The following KLHL5 variants were observed in gnomAD, a reference collection of about 807,000 sequenced individuals.
KLHL5 encodes the protein kelch like family member 5.
In KLHL5, 48 loss-of-function variants were observed where a neutral mutation model predicts 77.7. The ratio of observed to expected loss-of-function variants is 0.62; its 90% CI spans 0.49 to 0.79. The LOEUF is 0.79. Among genes scored for constraint, KLHL5 ranks in the 30% least tolerant of loss-of-function variants. The pLI is 0.00. For synonymous variants in KLHL5, 260 were observed against 297.0 expected (o/e 0.88, Z 1.28); for missense variants, 723 against 859.7 (o/e 0.84, Z 1.99).
chr4:39,070,956 C>G lies in KLHL5; in HGVS notation c.384-5009C>G, dbSNP rs1167387773. Among the ~76,000 whole-genome samples, 9 of 151,946 alleles carry G rather than the reference C, an allele frequency of 5.9e-5. 1 individual carries two copies. Among genetic ancestry groups the G allele is most frequent in the Admixed American group, 5.9e-4 (9 of 15,242 alleles). The stretch of plus-strand genomic sequence containing the variant: ...TACTGATCTTCCCCTTTTCTGTATT[C>G]CAGTAGCAATTATACTCCAATTAAA... On this transcript the variant is annotated intron_variant, in intron 1 of 10. Coordinates refer to ENST00000504108, the MANE Select transcript of KLHL5 (RefSeq NM_015990.5).
At chr4:39,057,676 C>T (rs1471327395), upstream of KLHL5, among the ~76,000 whole-genome samples, 4 of 152,008 alleles carry the variant, frequency 2.6e-5, no homozygotes, top group African/African-American at 7.3e-5. Context: ...CTTTTTATAA[C>T]TGAGGAAAAA....
chr4:39,054,423 C>T (rs1180047136), intron 1 of KLHL5, among the ~76,000 whole-genome samples: 1 of 152,146 alleles, frequency 6.6e-6, no homozygotes, highest in Non-Finnish European at 1.5e-5. Context: ...CCCTGTTGGA[C>T]AGAGTTTTTC....
chr4:39,107,655 C>G lies in KLHL5; in HGVS notation c.1612C>G (p.Gln538Glu). 6.2e-7 allele frequency: 1 copy of G among 1,612,770 alleles called. No individual in the cohort carries two copies. Among genetic ancestry groups the G allele is most frequent in the Non-Finnish European group, 8.5e-7 (1 of 1,179,000 alleles). ...YLNTVERWDP[Q>E]ARQWNFVATM... is the part of the protein sequence containing the mutation. ...GAACACAGTGGAAAGATGGGACCCT[C>G]AGGCTCGCCAGTGGAATTTTGTTGC... The change falls in exon 8 of 11, where the codon CAG becomes GAG. Residue 538 changes from glutamine (Q) to glutamate (E), a missense_variant. Physicochemically the swap from Gln to Glu is conservative, Grantham distance 29. Around this residue, in one of 3 missense-constraint regions of KLHL5, gnomAD observed 214 missense variants for 237.4 expected, o/e 0.90. Transcript: ENST00000504108.
At chr4:39,053,082 G>A (rs1461313474) in intron 1 of KLHL5, among the ~76,000 whole-genome samples, 1 of 152,162 alleles carries the variant, frequency 6.6e-6, no homozygotes, top group Non-Finnish European at 1.5e-5. Flanking sequence ...TTCTTTAATG[G>A]TTAACTGGTT....
intron 2 of KLHL5, among the ~76,000 whole-genome samples, chr4:39,078,731 C>T (rs1228176291): frequency 6.6e-6 from 1 of 151,884 alleles, no homozygotes; most frequent in Non-Finnish European, 1.5e-5. Flanking sequence ...ATACAATGGA[C>T]TTTGGGGACT....
chr4:39,083,620 G>A (rs1056264860), intron 4 of KLHL5, among the ~76,000 whole-genome samples: 3 of 152,060 alleles, frequency 2.0e-5, no homozygotes, highest in Non-Finnish European at 4.4e-5. Flanking sequence ...ACTCTTTATA[G>A]ATTCTCATTT....
intron 1 of KLHL5, among the ~76,000 whole-genome samples, chr4:39,054,437 C>T (rs151298647): frequency 9.9e-5 from 15 of 152,244 alleles, no homozygotes; most frequent in African/African-American, 3.1e-4. Flanking sequence ...GTTTTTCTGA[C>T]AACAAAATGC....
At chr4:39,065,424 C>T (rs371143763) in intron 1 of KLHL5, among the ~76,000 whole-genome samples, 2 of 150,106 alleles carry the variant, frequency 1.3e-5, no homozygotes, top group Non-Finnish European at 2.9e-5. Flanking sequence ...GGCGTGATCT[C>T]GGCTTACTGC....
chr4:39,094,901 T>G (rs35904472), intron 5 of KLHL5, among the ~76,000 whole-genome samples: 69,627 of 151,876 alleles, frequency 0.46, 17,340 homozygotes, highest in Admixed American at 0.56. Flanking sequence ...AAGAAAGCAA[T>G]AAAATCTTGC....
At chr4:39,115,791 ACT>A (rs1722792732) in intron 10 of KLHL5, 1 of 1,039,400 alleles carries the variant, frequency 9.6e-7, no homozygotes, top group Non-Finnish European at 1.2e-6. Flanking sequence ...CCTAAATTAC[ACT>A]GAGTAAGAAA....
At position 39,062,511 on chromosome 4, in the gene KLHL5, A is replaced by G. The variant is rs766420349; in HGVS notation, c.-142A>G. On this transcript the variant is annotated 5_prime_UTR_variant, in exon 1 of 11. The change creates a new upstream start codon in the 5' untranslated region. Transcript: ENST00000504108. ...TTGGCATAAAAGTAATTGTAGATAT[A>G]TATATGAATGTGATTTATTTTCCTT... 1 of 1,600,702 alleles carries G rather than the reference A, an allele frequency of 6.2e-7. No homozygotes were observed. Among genetic ancestry groups the G allele is most frequent in the Non-Finnish European group, 8.6e-7 (1 of 1,169,354 alleles).
intron 1 of KLHL5, among the ~76,000 whole-genome samples, chr4:39,055,530 C>A (rs187632683): frequency 5.3e-5 from 8 of 152,236 alleles, no homozygotes; most frequent in African/African-American, 1.9e-4. Context: ...ATGGCATTAA[C>A]CCTATATGAA....
At chr4:39,072,508 A>G (rs1199163016) in intron 1 of KLHL5, among the ~76,000 whole-genome samples, 1 of 152,220 alleles carries the variant, frequency 6.6e-6, no homozygotes, top group Non-Finnish European at 1.5e-5. Context: ...GAAATGTTCC[A>G]TATCTGTACT....
At chr4:39,091,881 T>A (rs1720614082) in intron 5 of KLHL5, among the ~76,000 whole-genome samples, 1 of 136,822 alleles carries the variant, frequency 7.3e-6, no homozygotes, top group Non-Finnish European at 1.5e-5. Context: ...AGACAGCGTC[T>A]CACTTTGTTG....
chr4:39,135,026 A>G, the KLHL5 span, among the ~76,000 whole-genome samples: 1 of 152,204 alleles, frequency 6.6e-6, no homozygotes, highest in African/African-American at 2.4e-5. Context: ...CAGAAATCAC[A>G]GGGTAATCTG....
Position 39,081,543 on chromosome 4 carries a change from A to G in KLHL5, c.703+304A>G, listed in dbSNP as rs116568520. On this transcript the variant is annotated intron_variant, in intron 3 of 10. Transcript: ENST00000504108. This position sits in a 1 kb window ranked among gnomAD's most constrained non-coding sequence, Gnocchi z 4.3. Reference sequence around the variant, plus strand: ...GCCAGGTGCAGTGGCTTATGCCTGTAAATCCCAGCACTTCGGGAAGCCAAG... The same window carrying G: ...GCCAGGTGCAGTGGCTTATGCCTGTGAATCCCAGCACTTCGGGAAGCCAAG... 4.4e-3 allele frequency among the ~76,000 whole-genome samples: 673 copies of G among 152,196 alleles called. 3 individuals carry two copies. Among genetic ancestry groups the G allele is most frequent in the African/African-American group, 0.014 (582 of 41,524 alleles).
intron 1 of KLHL5, chr4:39,045,146 G>C: frequency 1.0e-6 from 1 of 984,242 alleles, no homozygotes; most frequent in Non-Finnish European, 1.2e-6. Context: ...CCTCGGGCAG[G>C]GCCCGCTTCC....
At position 39,081,962 on chromosome 4, in the gene KLHL5, G is replaced by A. The variant is rs1719655705; in HGVS notation, c.704-1G>A. ...TAATGGAATTTCTTTTTATCATTAA[G>A]GCCGCCTTGAATTAAAAGAAGATAA... On this transcript the variant is annotated splice_acceptor_variant, in intron 3 of 10. Transcript: ENST00000504108. LOFTEE classifies it high-confidence loss of function. The surrounding 1 kb of genome is among the most constrained non-coding windows in gnomAD (Gnocchi z 4.3). The A allele has an allele frequency of 1.9e-6, 3 of 1,578,104 alleles. No homozygotes were observed. The highest frequency in any genetic ancestry group is 2.7e-5 in the African/African-American group (2 of 73,072).
chr4:39,074,509 G>A (rs1313008653), intron 1 of KLHL5, among the ~76,000 whole-genome samples: 2 of 152,198 alleles, frequency 1.3e-5, no homozygotes, highest in Non-Finnish European at 2.9e-5. Context: ...ACTGTGTGAT[G>A]TAATAGTTCA....
Sources: gnomAD v4.1 joint callset for allele counts (sites outside exome capture counted in the v4.1 genomes callset) on GRCh38, gnomAD v4.1.1 for gene constraint, gnomAD v4.1.1 regional missense constraint, Gnocchi (gnomAD v3.1) non-coding constraint, MANE v1.5 for transcripts, NCBI Gene and HGNC (gene_info 2026-07-23, HGNC 2026-07-21) for gene names.